DPEP1: variants seen among roughly 807,000 people sequenced by gnomAD.
DPEP1 encodes dipeptidase 1.
In DPEP1, 50 loss-of-function variants were observed where a neutral mutation model predicts 42.3. The observed-to-expected ratio is 1.18, with a 90% CI of 0.94 to 1.50. The LOEUF (loss-of-function observed/expected upper bound fraction) is 1.50, where lower values mean the gene tolerates loss of function less well. Among genes scored for constraint, DPEP1 ranks in the 40% most tolerant of loss-of-function variants. The pLI, the probability that DPEP1 is intolerant of heterozygous loss-of-function variation, is 0.00. For missense variants in DPEP1, 663 were observed against 553.0 expected, an observed-to-expected ratio of 1.20 and a Z score of -1.99; for synonymous variants, 297 against 234.0, an observed-to-expected ratio of 1.27 and a Z score of -2.46.
intron 2 of DPEP1, among the ~76,000 whole-genome samples, chr16:89,635,526 C>G (rs2059665347): frequency 6.6e-6 from 1 of 152,188 alleles, no homozygotes; most frequent in South Asian, 2.1e-4. Flanking sequence ...CTCTCAGAAA[C>G]AGTATCACCC....
At chr16:89,637,132 T>C in intron 6 of DPEP1, 72 bp from the exon 7 acceptor site, 1 of 1,559,714 alleles carries the variant, frequency 6.4e-7, no homozygotes, top group South Asian at 1.2e-5. Flanking sequence ...GACTCACATC[T>C]GGTCCAGCCC....
chr16:89,639,529 C>T (rs1487739980), downstream of DPEP1, among the ~76,000 whole-genome samples: 1 of 131,930 alleles, frequency 7.6e-6, no homozygotes, highest in Non-Finnish European at 1.6e-5. Flanking sequence ...GCACACACAC[C>T]CCCACCTCTG....
downstream of DPEP1, among the ~76,000 whole-genome samples, chr16:89,640,949 G>A (rs1230365116): frequency 6.6e-6 from 1 of 152,192 alleles, no homozygotes; most frequent in Non-Finnish European, 1.5e-5. Flanking sequence ...AGGAGTGTGA[G>A]CCATCTCCAG....
At chr16:89,635,303 T>G (rs1351834704) in intron 2 of DPEP1, among the ~76,000 whole-genome samples, 1 of 152,050 alleles carries the variant, frequency 6.6e-6, no homozygotes, top group Non-Finnish European at 1.5e-5. Context: ...CTTCAGTCCT[T>G]TGGAAGTTTA....
intron 1 of DPEP1, among the ~76,000 whole-genome samples, chr16:89,614,110 C>T (rs904893152): frequency 2.0e-5 from 3 of 151,954 alleles, no homozygotes; most frequent in African/African-American, 4.8e-5. Context: ...GTGTGTGGGG[C>T]AGGGGACGCG....
At chr16:89,640,511 C>T (rs536922486), downstream of DPEP1, 93 of 946,336 alleles carry the variant, frequency 9.8e-5, no homozygotes, top group Non-Finnish European at 1.1e-4. Flanking sequence ...CCCCTGCAGG[C>T]GGCTCTGAAG....
chr16:89,627,455 C>T (rs1382842756), intron 1 of DPEP1, among the ~76,000 whole-genome samples: 7 of 150,610 alleles, frequency 4.6e-5, no homozygotes, highest in Non-Finnish European at 7.4e-5. Flanking sequence ...GTGTGGTGTG[C>T]GCCTGTAATC....
chr16:89,629,434 G>A (rs2059556265), intron 1 of DPEP1, among the ~76,000 whole-genome samples: 1 of 152,258 alleles, frequency 6.6e-6, no homozygotes, highest in Admixed American at 6.5e-5. Flanking sequence ...CCCAGGAGGT[G>A]CAGGTTGCAG....
chr16:89,636,036 G>T lies in DPEP1; in HGVS notation c.233G>T (p.Gly78Val). 1 of 1,606,364 alleles carries T rather than the reference G, an allele frequency of 6.2e-7. No individual in the cohort carries two copies. ...IPKLRAGFVG[G>V]QFWSVYTPCD... ...AAGCTGAGGGCCGGCTTTGTGGGAG[G>T]CCAGGTACCGCCTGCCCTGCCTTGT... Residue 78 changes from glycine (G) to valine (V), a missense_variant, in exon 3 of 11, where the codon GGC becomes GTC. Physicochemically the swap from Gly to Val is moderately radical, Grantham distance 109. Transcript: ENST00000690203.
chr16:89,622,164 G>T (rs2059453737), intron 1 of DPEP1, among the ~76,000 whole-genome samples: 1 of 152,176 alleles, frequency 6.6e-6, no homozygotes, highest in African/African-American at 2.4e-5. Context: ...ACAGAGCACT[G>T]CTCCCACCCC....
intron 2 of DPEP1, among the ~76,000 whole-genome samples, chr16:89,631,241 C>G (rs971156135): frequency 6.6e-6 from 1 of 152,124 alleles, no homozygotes; most frequent in African/African-American, 2.4e-5. Flanking sequence ...CCGGCCCCCA[C>G]CCCCGACCTC....
At chr16:89,634,795 CT>C (rs1457584550) in intron 2 of DPEP1, among the ~76,000 whole-genome samples, 9 of 17,506 alleles carry the variant, frequency 5.1e-4, no homozygotes, top group African/African-American at 6.1e-4. Context: ...TCCCTTCCTT[CT>C]CCTTTCCCCT....
At chr16:89,622,520 T>G (rs1186929730) in intron 1 of DPEP1, among the ~76,000 whole-genome samples, 1 of 152,154 alleles carries the variant, frequency 6.6e-6, no homozygotes, top group Admixed American at 6.5e-5. Flanking sequence ...GCGCAGTGGC[T>G]CACGCCTGTA....
intron 1 of DPEP1, among the ~76,000 whole-genome samples, chr16:89,627,258 G>A (rs543873111): frequency 9.0e-5 from 12 of 133,374 alleles, no homozygotes; most frequent in African/African-American, 2.8e-4. Context: ...GGGCAATAGA[G>A]TGAGACTCCG....
At chr16:89,640,411 G>A (rs2059734423), downstream of DPEP1, among the ~76,000 whole-genome samples, 1 of 152,148 alleles carries the variant, frequency 6.6e-6, no homozygotes, top group African/African-American at 2.4e-5. Context: ...CTGCTGGGAG[G>A]CTTCACTACC....
chr16:89,627,075 A>C (rs866295461), intron 1 of DPEP1, among the ~76,000 whole-genome samples: 1 of 151,142 alleles, frequency 6.6e-6, no homozygotes, highest in African/African-American at 2.4e-5. Context: ...TCCTGGCTAA[A>C]ACGGTGAAAA....
chr16:89,636,276 T>A lies in DPEP1; in HGVS notation c.250T>A (p.Tyr84Asn). The A allele has an allele frequency of 6.2e-7, 1 of 1,609,800 alleles. No homozygotes were observed. The highest frequency in any genetic ancestry group is 1.1e-5 in the South Asian group (1 of 90,558). ...GFVGGQFWSV[Y>N]TPCDTQNKDA... ...CTGCGGCCCACAGTTCTGGTCCGTG[T>A]ACACGCCCTGCGACACCCAGAACAA... The change falls in exon 4 of 11, where the codon TAC (tyrosine) becomes AAC (asparagine). Residue 84 changes from tyrosine (Y) to asparagine (N), a missense_variant. Tyr to Asn is a moderately radical substitution (Grantham distance 143, BLOSUM62 -2). Coordinates refer to ENST00000690203, the MANE Select transcript of DPEP1 (RefSeq NM_001389466.1).
At position 89,627,635 on chromosome 16, in the gene DPEP1, G is replaced by A. The variant is rs1048679618; in HGVS notation, c.-106-2670G>A. On this transcript the variant is annotated intron_variant, in intron 1 of 10. Coordinates refer to ENST00000690203, the MANE Select transcript of DPEP1 (RefSeq NM_001389466.1). ...GGGAAAGGAAGGGCAGGGGAACCCA[G>A]TCTTGGATATTTCTTCTTTTTTTTT... Among the ~76,000 whole-genome samples, 5 of 142,894 alleles carry A rather than the reference G, an allele frequency of 3.5e-5. No homozygotes were observed. In the South Asian group the frequency reaches 7.0e-4, roughly 20 times the overall value. The allele number at this position is 142,894 out of a possible 152,430, so 93.7% of individuals were successfully genotyped here. A position where few individuals can be genotyped will look rare whatever the true frequency, so the allele number is the denominator to read the frequency against.
chr16:89,630,881 C>T (rs925637650), intron 2 of DPEP1, among the ~76,000 whole-genome samples: 18 of 151,810 alleles, frequency 1.2e-4, no homozygotes, highest in African/African-American at 4.4e-4. Flanking sequence ...GCTTCTGCGA[C>T]GGTGCCGGGC....
Sources: gnomAD v4.1 joint callset for allele counts (sites outside exome capture counted in the v4.1 genomes callset) on GRCh38, gnomAD v4.1.1 for gene constraint, MANE v1.5 for transcripts, NCBI Gene and HGNC (gene_info 2026-07-23, HGNC 2026-07-21) for gene names.